The following ANXA1 variants were observed in gnomAD, a reference collection of about 807,000 sequenced individuals.
ANXA1 encodes the protein annexin I (lipocortin I).
A neutral mutation model predicts 47.9 loss-of-function variants in ANXA1; 39 were observed. The ratio of observed to expected loss-of-function variants is 0.81; its 90% confidence interval spans 0.63 to 1.06. The LOEUF (loss-of-function observed/expected upper bound fraction) is 1.06, where lower values mean the gene tolerates loss of function less well. ANXA1 is among the 50% of genes least tolerant of loss of function. The probability of loss-of-function intolerance (pLI) is 0.00; values close to 1 mark genes in which losing one functional copy is unlikely to be tolerated. For missense variants in ANXA1, 446 were observed against 422.7 expected (o/e 1.06, Z -0.48); for synonymous variants, 146 against 142.5 (o/e 1.02, Z -0.17).
At chr9:73,167,410 C>A in intron 10 of ANXA1, 87 bp from the exon 11 acceptor site, 1 of 1,313,164 alleles carries the variant, frequency 7.6e-7, no homozygotes, top group Non-Finnish European at 1.1e-6. Context: ...ACACTGTTGG[C>A]AAAATTCTAT....
In ANXA1 at chr9:73,168,880, G is replaced by GGTGTGTGTGTGTGTGTGTGTGT. The variant is rs3832643; in HGVS notation, c.862-141_862-120dup. The GGTGTGTGTGTGTGTGTGTGTGT allele has an allele frequency of 1.2e-4, 50 of 402,968 alleles. 1 individual carries two copies. Among genetic ancestry groups the GGTGTGTGTGTGTGTGTGTGTGT allele is most frequent in the Admixed American group, 7.8e-4 (19 of 24,380 alleles). The allele number at this position is 402,968 out of a possible 1,614,324, so 25.0% of individuals were successfully genotyped here. On this transcript the variant is annotated intron_variant, in intron 11 of 12. Coordinates refer to ENST00000257497, the MANE Select transcript of ANXA1 (RefSeq NM_000700.3). Reference sequence around the variant, plus strand: ...TTTCATTTCATTACCATTCGTGTAAGGTGTGTGTGTGTGTGTGTGTGTGTG... The same window carrying GGTGTGTGTGTGTGTGTGTGTGT: ...TTTCATTTCATTACCATTCGTGTAAGGTGTGTGTGTGTGTGTGTGTGTGTGTGTGTGTGTGTGTGTGTGTGTG...
chr9:73,158,627 G>A (rs774417259), intron 2 of ANXA1, 26 bp downstream of exon 2: 2 of 1,609,328 alleles, frequency 1.2e-6, no homozygotes, highest in African/African-American at 2.7e-5. Context: ...ATAAAATTAT[G>A]ATTACAATAT....
chr9:73,160,128 G>T (rs1269971969), intron 4 of ANXA1, 135 bp from the exon 5 acceptor site: 1 of 522,952 alleles, frequency 1.9e-6, no homozygotes, highest in Non-Finnish European at 3.3e-6. Context: ...CACTTTGTAT[G>T]TGAAGGGAAG....
At position 73,160,358 on chromosome 9, in the gene ANXA1, A is replaced by T; in HGVS notation, c.366A>T (p.Glu122Asp). Residue 122 changes from glutamate (E) to aspartate (D), a missense_variant, in exon 5 of 13, where the codon GAA becomes GAT. Physicochemically the swap from Glu to Asp is conservative, Grantham distance 45 (BLOSUM62 2). Coordinates refer to ENST00000257497, the MANE Select transcript of ANXA1 (RefSeq NM_000700.3). ...CTCCAGCGCAATTTGATGCTGATGA[A>T]CTTCGTGCTGCCATGAAGGTAAATC... is the stretch of plus-strand genomic sequence containing the variant. ...LKTPAQFDADELRAAMKGLGT... is the reference protein window; with the variant it reads ...LKTPAQFDADDLRAAMKGLGT... 3 of 1,580,394 alleles carry T rather than the reference A, an allele frequency of 1.9e-6. No individual in the cohort carries two copies. The highest frequency in any genetic ancestry group is 2.6e-6 in the Non-Finnish European group (3 of 1,169,642).
chr9:73,164,404 T>C (rs549596747), intron 8 of ANXA1, among the ~76,000 whole-genome samples: 1 of 152,262 alleles, frequency 6.6e-6, no homozygotes, highest in African/African-American at 2.4e-5. Context: ...GGAACAAGAG[T>C]TAGCATTTGA....
intron 12 of ANXA1, 102 bp from the exon 13 acceptor site, chr9:73,169,949 C>A: frequency 1.4e-6 from 1 of 724,154 alleles, no homozygotes; most frequent in Non-Finnish European, 2.2e-6. Flanking sequence ...AATGTGTAAT[C>A]TCATCTACAG....
At chr9:73,152,583 A>G (rs1823988963) in intron 1 of ANXA1, among the ~76,000 whole-genome samples, 1 of 152,156 alleles carries the variant, frequency 6.6e-6, no homozygotes, top group Non-Finnish European at 1.5e-5. Context: ...GCTCTGTGTC[A>G]TATACAGTCT....
At chr9:73,162,927 T>C in intron 7 of ANXA1, 66 bp downstream of exon 7, 2 of 1,337,088 alleles carry the variant, frequency 1.5e-6, no homozygotes, top group Non-Finnish European at 1.1e-6. Flanking sequence ...GTCCATTTTG[T>C]GTTGCTATAA....
At chr9:73,165,070 T>C (rs1051621732) in intron 8 of ANXA1, 46 bp from the exon 9 acceptor site, 12 of 1,457,584 alleles carry the variant, frequency 8.2e-6, no homozygotes, top group Admixed American at 3.4e-5. Flanking sequence ...TGTGCAGATA[T>C]CATTTCAGCA....
intron 4 of ANXA1, 70 bp from the exon 5 acceptor site, chr9:73,160,193 G>C: frequency 3.6e-6 from 4 of 1,096,754 alleles, no homozygotes; most frequent in Non-Finnish European, 5.3e-6. Context: ...CCTAAAGTCA[G>C]GTAATATCAC....
chr9:73,156,171 AAAAT>A (rs965949579), intron 1 of ANXA1, among the ~76,000 whole-genome samples: 5 of 119,948 alleles, frequency 4.2e-5, no homozygotes, highest in Non-Finnish European at 6.6e-5. Context: ...ATAAATAAAT[AAAAT>A]AAATAAATAA....
In ANXA1 at chr9:73,163,607, G is replaced by A. The variant is rs555596290; in HGVS notation, c.612+75G>A. On this transcript the variant is annotated intron_variant, in intron 8 of 12. Coordinates refer to ENST00000257497, the MANE Select transcript of ANXA1 (RefSeq NM_000700.3). Reference sequence around the variant, plus strand: ...GTGGGGCTACCACATGATCCCCTGTGAAAGCAAATCTAAGATCTTCTGAGA... The same window carrying A: ...GTGGGGCTACCACATGATCCCCTGTAAAAGCAAATCTAAGATCTTCTGAGA... The A allele has an allele frequency of 4.7e-5, 70 of 1,482,374 alleles. No individual in the cohort carries two copies. The East Asian group carries it at 1.5e-3, about 33-fold the overall frequency. The allele number at this position is 1,482,374 out of a possible 1,614,324, so 91.8% of individuals were successfully genotyped here. A position where few individuals can be genotyped will look rare whatever the true frequency, so the allele number is the denominator to read the frequency against.
At position 73,166,098 on chromosome 9, in the gene ANXA1, GT is replaced by G; in HGVS notation, c.711del (p.Gln238ArgfsTer11). ...TCTTAGTTTGAATTTAATATTCAGT[GT>G]TTCAGAAATACACCAAGTACAGTAA... ...TRSYPQLRRVFQKYTKYSKHD... is the reference protein window; with the variant it reads ...TRSYPQLRRVXQKYTKYSKHD... On this transcript the variant is annotated frameshift_variant and splice_region_variant, in exon 10 of 13. Coordinates refer to ENST00000257497, the MANE Select transcript of ANXA1 (RefSeq NM_000700.3). LOFTEE classifies it high-confidence loss of function. 1.9e-6 allele frequency: 3 copies of G among 1,599,676 alleles called. No homozygotes were observed. The South Asian group carries it at 3.4e-5, about 18-fold the overall frequency.
chr9:73,166,111 A>T lies in ANXA1; in HGVS notation c.721A>T (p.Thr241Ser). The change falls in exon 10 of 13, where the codon ACC becomes TCC. Residue 241 changes from threonine to serine, a missense_variant. Thr to Ser is a moderately conservative substitution (Grantham distance 58, BLOSUM62 1). Coordinates refer to ENST00000257497, the MANE Select transcript of ANXA1 (RefSeq NM_000700.3). ...TTAATATTCAGTGTTTCAGAAATAC[A>T]CCAAGTACAGTAAGCATGACATGAA... is the stretch of plus-strand genomic sequence containing the variant. ...PQLRRVFQKYTKYSKHDMNKV... is the reference protein window; with the variant it reads ...PQLRRVFQKYSKYSKHDMNKV... 1 of 1,608,820 alleles carries T rather than the reference A, an allele frequency of 6.2e-7. No individual in the cohort carries two copies. The highest frequency in any genetic ancestry group is 8.5e-7 in the Non-Finnish European group (1 of 1,177,752).
chr9:73,169,094 G>T lies in ANXA1; in HGVS notation c.924G>T (p.Met308Ile). The change falls in exon 12 of 13, where the codon ATG becomes ATT. Residue 308 changes from methionine to isoleucine, a missense_variant. Transcript: ENST00000257497. ...TGGTTTCCCGTTCTGAAATTGACAT[G>T]AATGATATCAAAGCATTCTATCAGA... ...RIMVSRSEID[M>I]NDIKAFYQKM... The T allele has an allele frequency of 6.2e-7, 1 of 1,613,454 alleles. No homozygotes were observed. Among genetic ancestry groups the T allele is most frequent in the South Asian group, 1.1e-5 (1 of 91,048 alleles).
At chr9:73,163,441 G>C in intron 7 of ANXA1, 35 bp from the exon 8 acceptor site, 1 of 1,598,550 alleles carries the variant, frequency 6.3e-7, no homozygotes, top group Non-Finnish European at 8.6e-7. Context: ...TTACATGCTA[G>C]AGAAGAGCTT....
intron 1 of ANXA1, chr9:73,154,371 T>C (rs1824015617): frequency 7.3e-7 from 1 of 1,364,330 alleles, no homozygotes; most frequent in Admixed American, 1.9e-5. Flanking sequence ...ACTGATCATG[T>C]CATTTTCTTT....
intron 8 of ANXA1, among the ~76,000 whole-genome samples, 190 bp downstream of exon 8, chr9:73,163,722 A>G (rs535692352): frequency 1.3e-5 from 2 of 152,294 alleles, no homozygotes; most frequent in Admixed American, 6.5e-5. Flanking sequence ...TAAGTTTTCA[A>G]TATCTCTCAT....
chr9:73,154,474 C>T (rs185490342), intron 1 of ANXA1: 879 of 792,602 alleles, frequency 1.1e-3, no homozygotes, highest in Non-Finnish European at 1.4e-3. Flanking sequence ...CTTGTTATGT[C>T]GCCCAGGATG....
Sources: allele counts gnomAD v4.1 joint callset (sites outside exome capture counted in the v4.1 genomes callset), GRCh38; gene constraint gnomAD v4.1.1; transcripts MANE v1.5; gene names NCBI Gene and HGNC (gene_info 2026-07-23, HGNC 2026-07-21).